Variants in LINGO2 observed in about 807,000 individuals in gnomAD.
LINGO2 encodes the protein leucine-rich repeat and immunoglobulin-like domain-containing nogo receptor-interacting protein 2.
Under a neutral mutation model 30.6 loss-of-function variants are expected in LINGO2, and 14 were observed. That is an observed-to-expected ratio of 0.46 (90% confidence interval 0.30 to 0.72). The LOEUF (loss-of-function observed/expected upper bound fraction) is 0.72. Ranked by LOEUF, LINGO2 falls within the 30% of genes least tolerant of loss-of-function variation. LINGO2 has a pLI of 0.07. For synonymous variants in LINGO2, 317 were observed against 288.5 expected (o/e 1.10, Z -1.00); for missense variants, 729 against 751.7 (o/e 0.97, Z 0.35).
the LINGO2 span, among the ~76,000 whole-genome samples, chr9:28,977,240 A>G: frequency 1.3e-5 from 2 of 152,124 alleles, no homozygotes; most frequent in Admixed American, 6.6e-5. Flanking sequence ...ACACATCCCA[A>G]TAAGGGGCAT....
rs148350160 is a variant in LINGO2 at position 28,356,997 on chromosome 9, T to G, written c.-246+15839A>C. 9.2e-4 allele frequency among the ~76,000 whole-genome samples: 140 copies of G among 152,222 alleles called. 2 individuals are homozygous for G. In the East Asian group the frequency reaches 0.025, roughly 28 times the overall value. On this transcript the variant is annotated intron_variant, in intron 3 of 5. Coordinates refer to ENST00000379992, the Ensembl canonical transcript of LINGO2. ...TAAAAATGTTTATTAATTATTTAAATATACATATCTAGGCTCCTATGCAAT... is the reference window on the plus strand; with the variant it reads ...TAAAAATGTTTATTAATTATTTAAAGATACATATCTAGGCTCCTATGCAAT...
chr9:28,964,928 T>C, the LINGO2 span, among the ~76,000 whole-genome samples: 3 of 151,892 alleles, frequency 2.0e-5, no homozygotes, highest in African/African-American at 7.2e-5. Context: ...TTCAGAACTT[T>C]TACTTCTCAC....
intron 1 of LINGO2, among the ~76,000 whole-genome samples, chr9:28,548,702 C>CAAAAAAA (rs147347396): frequency 6.3e-5 from 4 of 63,340 alleles, no homozygotes; most frequent in African/African-American, 1.5e-4. Flanking sequence ...GACTCCATCT[C>CAAAAAAA]AAAAAAAAAA....
At chr9:28,893,647 A>G in the LINGO2 span, among the ~76,000 whole-genome samples, 1 of 151,994 alleles carries the variant, frequency 6.6e-6, no homozygotes, top group Admixed American at 6.6e-5. Context: ...TTTTCTGATA[A>G]GAAATATAAT....
At chr9:27,943,597 TATGTGAGATAGCTGGAGGG>T (rs1823250821), downstream of LINGO2, 1 of 137,106 alleles carries the variant, frequency 7.3e-6, no homozygotes, top group Non-Finnish European at 1.6e-5. Flanking sequence ...TTTAAAGTGT[TATGTGAGATAGCTGGAGGG>T]TTTTTTTTTT....
chr9:28,569,120 G>A (rs2135584673), intron 1 of LINGO2, among the ~76,000 whole-genome samples: 1 of 152,016 alleles, frequency 6.6e-6, no homozygotes, highest in South Asian at 2.1e-4. Flanking sequence ...GCTATTATCA[G>A]AAAGATGAAA....
chr9:28,560,486 A>G (rs1356813961), intron 1 of LINGO2, among the ~76,000 whole-genome samples: 2 of 152,032 alleles, frequency 1.3e-5, no homozygotes, highest in Non-Finnish European at 2.9e-5. Flanking sequence ...GTCAGCCTCT[A>G]TAACTGAATA....
the LINGO2 span, among the ~76,000 whole-genome samples, chr9:28,947,632 C>T: frequency 6.6e-6 from 1 of 151,146 alleles, no homozygotes; most frequent in African/African-American, 2.4e-5. Flanking sequence ...GACTGGGTTA[C>T]AAAATTCCAT....
At chr9:28,454,975 C>A (rs966043580) in intron 2 of LINGO2, among the ~76,000 whole-genome samples, 4 of 151,950 alleles carry the variant, frequency 2.6e-5, no homozygotes, top group African/African-American at 9.7e-5. Flanking sequence ...CAGAATGCAA[C>A]CATTAGTATT....
chr9:28,372,954 A>T (rs1331873), intron 2 of LINGO2, 86 bp from the exon 5 acceptor site: 119,436 of 152,332 alleles, frequency 0.78, 48,060 homozygotes, highest in Middle Eastern at 0.9. Flanking sequence ...CATTTTCTTT[A>T]TTTCTTTTAA....
the LINGO2 span, among the ~76,000 whole-genome samples, chr9:28,977,939 G>A: frequency 6.6e-6 from 1 of 152,110 alleles, no homozygotes; most frequent in Non-Finnish European, 1.5e-5. Context: ...ATAAAAACTT[G>A]GAGAGAATTC....
At chr9:29,036,418 A>G in the LINGO2 span, among the ~76,000 whole-genome samples, 5 of 152,090 alleles carry the variant, frequency 3.3e-5, no homozygotes, top group Non-Finnish European at 5.9e-5. Flanking sequence ...GAAAAAAAAT[A>G]ATGAATCATT....
chr9:28,156,227 T>C (rs1026220058), intron 4 of LINGO2, among the ~76,000 whole-genome samples: 3 of 152,176 alleles, frequency 2.0e-5, no homozygotes, highest in Non-Finnish European at 4.4e-5. Flanking sequence ...ACATGCATGA[T>C]TAGAAGGTCC....
intron 1 of LINGO2, among the ~76,000 whole-genome samples, chr9:28,595,882 A>G (rs924166301): frequency 3.9e-5 from 6 of 152,178 alleles, no homozygotes; most frequent in African/African-American, 1.4e-4. Flanking sequence ...TAGATATTTG[A>G]CCAATTAAAC....
chr9:28,434,416 C>T (rs1239238023), intron 2 of LINGO2, among the ~76,000 whole-genome samples: 1 of 151,598 alleles, frequency 6.6e-6, no homozygotes, highest in Non-Finnish European at 1.5e-5. Flanking sequence ...GACAGAGACC[C>T]TCCTGGTTAG....
chr9:29,059,332 T>G, the LINGO2 span, among the ~76,000 whole-genome samples: 1 of 151,444 alleles, frequency 6.6e-6, no homozygotes, highest in Non-Finnish European at 1.5e-5. Context: ...AATAAAATTA[T>G]TATACATTGC....
chr9:28,234,211 G>A (rs747481705), intron 4 of LINGO2, among the ~76,000 whole-genome samples: 1 of 152,096 alleles, frequency 6.6e-6, no homozygotes, highest in African/African-American at 2.4e-5. Context: ...CCACTGCCCT[G>A]AAGGCCGAGT....
chr9:28,050,734 A>G (rs913732814), intron 4 of LINGO2, among the ~76,000 whole-genome samples: 2 of 151,006 alleles, frequency 1.3e-5, no homozygotes, highest in Non-Finnish European at 2.9e-5. Flanking sequence ...CTAAACACCT[A>G]AAGAGTTGGG....
At chr9:27,961,798 A>G (rs1291175148) in intron 5 of LINGO2, among the ~76,000 whole-genome samples, 1 of 152,094 alleles carries the variant, frequency 6.6e-6, no homozygotes, top group East Asian at 1.9e-4. Flanking sequence ...GGCTTGGGTA[A>G]ATGGGCAAAT....
Sources: gnomAD v4.1 joint callset for allele counts (sites outside exome capture counted in the v4.1 genomes callset) on GRCh38, gnomAD v4.1.1 for gene constraint, MANE v1.5 for transcripts, NCBI Gene and HGNC (gene_info 2026-07-23, HGNC 2026-07-21) for gene names.